TMCC1: variants seen among roughly 807,000 people sequenced by gnomAD.
The protein encoded by TMCC1 is transmembrane and coiled-coil domain family 1.
A neutral mutation model predicts 52.4 loss-of-function variants in TMCC1; 15 were observed. The observed-to-expected ratio is 0.29, with a 90% CI of 0.19 to 0.44. TMCC1 has a LOEUF of 0.44. Ranked by LOEUF, TMCC1 falls within the 20% of genes least tolerant of loss-of-function variation. The pLI is 1.00. For missense variants in TMCC1, 503 were observed against 806.0 expected, an observed-to-expected ratio of 0.62 and a Z score of 4.55; for synonymous variants, 279 against 301.9, an observed-to-expected ratio of 0.92 and a Z score of 0.79.
chr3:129,781,250 G>C (rs2055500311), intron 4 of TMCC1, among the ~76,000 whole-genome samples: 1 of 152,092 alleles, frequency 6.6e-6, no homozygotes, highest in African/African-American at 2.4e-5. Flanking sequence ...ATACTCTGTT[G>C]GTCAAGTTGT....
intron 4 of TMCC1, among the ~76,000 whole-genome samples, chr3:129,774,159 C>T (rs1023348069): frequency 1.3e-5 from 2 of 152,116 alleles, no homozygotes; most frequent in African/African-American, 4.8e-5. Flanking sequence ...GGAAAGATAT[C>T]AAGCTGAAAC....
Position 129,802,311 on chromosome 3 carries a change from G to A in TMCC1, c.576+25492C>T, listed in dbSNP as rs1052207503. ...TATGATTCCCTTTTATTTACACATTGTACAAAAAGAAATAAATTACCTGGC... is the reference window on the plus strand; with the variant it reads ...TATGATTCCCTTTTATTTACACATTATACAAAAAGAAATAAATTACCTGGC... On this transcript the variant is annotated intron_variant, in intron 4 of 6. Coordinates refer to ENST00000393238, the MANE Select transcript of TMCC1 (RefSeq NM_001017395.5). Among the ~76,000 whole-genome samples the A allele has an allele frequency of 6.6e-5, 10 of 152,184 alleles. 1 individual carries two copies. In the East Asian group the frequency reaches 1.5e-3, roughly 24 times the overall value.
At position 129,893,603 on chromosome 3, in the gene TMCC1, C is replaced by A; in HGVS notation, c.-544G>T. ...CACCCGGTCCATCCCCCACAACCAC[C>A]CCCCCCTCCCGACCCTCCCCCCGCG... is the stretch of plus-strand genomic sequence containing the variant. On this transcript the variant is annotated 5_prime_UTR_variant, in exon 1 of 7. Coordinates refer to ENST00000393238, the MANE Select transcript of TMCC1 (RefSeq NM_001017395.5). 1 of 151,550 alleles carries A rather than the reference C, an allele frequency of 6.6e-6. No individual in the cohort carries two copies. The highest frequency in any genetic ancestry group is 1.8e-4 in the South Asian group (1 of 5,552). The allele number at this position is 151,550 out of a possible 1,614,324, so 9.4% of individuals were successfully genotyped here.
chr3:129,793,745 G>A (rs1160616647), intron 4 of TMCC1, among the ~76,000 whole-genome samples: 4 of 152,172 alleles, frequency 2.6e-5, no homozygotes, highest in Non-Finnish European at 5.9e-5. Context: ...CCCAAAAGCT[G>A]CACACATGGA....
At chr3:129,879,964 G>A (rs2061389160) in intron 2 of TMCC1, among the ~76,000 whole-genome samples, 1 of 151,938 alleles carries the variant, frequency 6.6e-6, no homozygotes, top group Admixed American at 6.6e-5. Flanking sequence ...CTTGAGCCCA[G>A]GAGTTTGAGA....
intron 4 of TMCC1, among the ~76,000 whole-genome samples, chr3:129,695,689 T>TA (rs746103781): frequency 1.3e-5 from 2 of 152,142 alleles, no homozygotes; most frequent in Non-Finnish European, 2.9e-5. Flanking sequence ...ACATGGGGAT[T>TA]ATGGGAACTA....
Position 129,828,268 on chromosome 3 carries a change from C to A in TMCC1, c.111G>T (p.Met37Ile), listed in dbSNP as rs2058745621. 1 of 1,614,092 alleles carries A rather than the reference C, an allele frequency of 6.2e-7. No homozygotes were observed. Among genetic ancestry groups the A allele is most frequent in the South Asian group, 1.1e-5 (1 of 91,072 alleles). The change falls in exon 4 of 7, where the codon ATG becomes ATT. Residue 37 changes from methionine to isoleucine, a missense_variant. Transcript: ENST00000393238. The surrounding 1 kb of genome is among the most constrained non-coding windows in gnomAD (Gnocchi z 4.1). ...TAATGTTCTCCAAAGCATTGTGGGTCATTTTAGACAATTTTTGTTCTGATT... is the reference window on the plus strand; with the variant it reads ...TAATGTTCTCCAAAGCATTGTGGGTAATTTTAGACAATTTTTGTTCTGATT... ...QTESEQKLSK[M>I]THNALENINV...
intron 4 of TMCC1, among the ~76,000 whole-genome samples, chr3:129,760,454 C>CTG (rs61394124): frequency 0.049 from 6,319 of 128,920 alleles, 354 homozygotes; most frequent in South Asian, 0.074. Flanking sequence ...CAGTCTCGCT[C>CTG]TGTGTGTGTG....
At chr3:129,800,161 A>T (rs2057095457) in intron 4 of TMCC1, among the ~76,000 whole-genome samples, 1 of 152,216 alleles carries the variant, frequency 6.6e-6, no homozygotes, top group Non-Finnish European at 1.5e-5. Flanking sequence ...CCATCCATGC[A>T]GTTGTGTGTA....
chr3:129,889,092 T>A (rs1274961315), intron 1 of TMCC1, among the ~76,000 whole-genome samples: 2 of 152,020 alleles, frequency 1.3e-5, no homozygotes, highest in Non-Finnish European at 1.5e-5. Context: ...GGCACCATGG[T>A]GAAACCCCAT....
intron 4 of TMCC1, among the ~76,000 whole-genome samples, chr3:129,675,704 C>A (rs549416948): frequency 6.6e-6 from 1 of 152,088 alleles, no homozygotes; most frequent in Non-Finnish European, 1.5e-5. Context: ...TAGTTGGCCT[C>A]GTGGCTATAC....
intron 2 of TMCC1, among the ~76,000 whole-genome samples, chr3:129,835,016 C>T (rs1033425111): frequency 6.6e-6 from 1 of 152,186 alleles, no homozygotes; most frequent in African/African-American, 2.4e-5. Context: ...TAAGATGTCT[C>T]TTATTCCTTT....
chr3:129,786,184 C>T (rs1576839755), intron 4 of TMCC1, among the ~76,000 whole-genome samples: 1 of 152,238 alleles, frequency 6.6e-6, no homozygotes, highest in East Asian at 1.9e-4. Context: ...AAGTGATTCA[C>T]CTGCCTCGGC....
At chr3:129,860,213 T>C (rs530610367) in intron 2 of TMCC1, among the ~76,000 whole-genome samples, 115 of 152,212 alleles carry the variant, frequency 7.6e-4, no homozygotes, top group African/African-American at 2.6e-3. Flanking sequence ...GTGTCAAAAT[T>C]GAACTCAATA....
intron 4 of TMCC1, among the ~76,000 whole-genome samples, chr3:129,716,072 C>T (rs1157328803): frequency 3.3e-5 from 5 of 152,010 alleles, no homozygotes; most frequent in South Asian, 2.1e-4. Context: ...GAGACTGCCT[C>T]GAGAGACAAC....
chr3:129,707,191 G>T (rs895747966), intron 4 of TMCC1, among the ~76,000 whole-genome samples: 1 of 152,162 alleles, frequency 6.6e-6, no homozygotes, highest in Non-Finnish European at 1.5e-5. Flanking sequence ...TTCACTTCTA[G>T]TTCTCCAGTA....
intron 2 of TMCC1, among the ~76,000 whole-genome samples, chr3:129,861,526 A>C (rs866921307): frequency 7.9e-5 from 12 of 152,228 alleles, no homozygotes; most frequent in South Asian, 4.1e-4. Flanking sequence ...AAGACTTTAA[A>C]TATAATTAAG....
At chr3:129,656,630 G>T (rs995640336) in intron 5 of TMCC1, 2 of 152,056 alleles carry the variant, frequency 1.3e-5, no homozygotes, top group Non-Finnish European at 2.9e-5. Flanking sequence ...AAGAAACAAG[G>T]ATTTTTTTAA....
At chr3:129,789,348 A>G (rs2056284000) in intron 4 of TMCC1, among the ~76,000 whole-genome samples, 1 of 152,246 alleles carries the variant, frequency 6.6e-6, no homozygotes, top group Non-Finnish European at 1.5e-5. Context: ...TTTTAAAAAG[A>G]TATCACAGAA....
Sources: allele counts gnomAD v4.1 joint callset (sites outside exome capture counted in the v4.1 genomes callset), GRCh38; gene constraint gnomAD v4.1.1; non-coding constraint Gnocchi (gnomAD v3.1); transcripts MANE v1.5; gene names NCBI Gene and HGNC (gene_info 2026-07-23, HGNC 2026-07-21).